The following PRIM2 variants were observed in gnomAD, a reference collection of about 807,000 sequenced individuals.
PRIM2 encodes DNA primase large subunit.
A neutral mutation model predicts 67.3 loss-of-function variants in PRIM2; 39 were observed. The ratio of observed to expected loss-of-function variants is 0.58; its 90% CI spans 0.45 to 0.76. PRIM2 has a LOEUF of 0.76. PRIM2 is among the 30% of genes least tolerant of loss of function. The probability of loss-of-function intolerance (pLI) is 0.00; values close to 1 mark genes in which losing one functional copy is unlikely to be tolerated. For missense variants in PRIM2, 398 were observed against 598.7 expected (o/e 0.66, Z 3.50); for synonymous variants, 143 against 198.7 (o/e 0.72, Z 2.36).
chr6:57,554,243 A>C, intron 10 of PRIM2, among the ~76,000 whole-genome samples: 1 of 147,874 alleles, frequency 6.8e-6, no homozygotes, highest in African/African-American at 2.5e-5. Flanking sequence ...ATGTTGTTTT[A>C]AAAGCTATAT....
chr6:57,608,715 GAAA>G (rs1228501753), intron 12 of PRIM2, among the ~76,000 whole-genome samples: 1 of 76,286 alleles, frequency 1.3e-5, no homozygotes. Context: ...CCTGTCTCAA[GAAA>G]AAAAAAAAAA....
chr6:57,587,154 C>T (rs1776203798), intron 10 of PRIM2: 1 of 152,090 alleles, frequency 6.6e-6, no homozygotes, highest in South Asian at 2.1e-4. Context: ...TATTCAGTGT[C>T]CTAAAGGGAG....
At chr6:57,540,844 C>T (rs1775133869) in intron 10 of PRIM2, among the ~76,000 whole-genome samples, 1 of 152,246 alleles carries the variant, frequency 6.6e-6, no homozygotes, top group Admixed American at 6.5e-5. Context: ...CCTGTTGCTA[C>T]TGTGGTGAGC....
chr6:57,312,327 C>T (rs1767406382), upstream of PRIM2, among the ~76,000 whole-genome samples: 3 of 152,032 alleles, frequency 2.0e-5, 1 homozygote, highest in South Asian at 6.3e-4. Flanking sequence ...ATAGTGCAGC[C>T]CCATCTCTAC....
intron 5 of PRIM2, among the ~76,000 whole-genome samples, chr6:57,367,506 TTAAAACTTAAAATCAAAACTTAATTC>T (rs1272029051): frequency 6.6e-6 from 1 of 152,216 alleles, no homozygotes; most frequent in African/African-American, 2.4e-5. Flanking sequence ...AAACCTAACA[TTAAAACTTAAAATCAAAACTTAATTC>T]TAAAACTTAA....
In PRIM2 at chr6:57,548,225, C is replaced by T. The variant is rs1311550590; in HGVS notation, c.1020+10600C>T. 7.7e-4 allele frequency among the ~76,000 whole-genome samples: 118 copies of T among 152,300 alleles called. 2 individuals are homozygous for T. The East Asian group carries it at 0.019, about 25-fold the overall frequency. On this transcript the variant is annotated intron_variant, in intron 10 of 13. Transcript: ENST00000615550. ...TGGGGCTGCATCTGTTGAGAGCCTC[C>T]TTACTTGTGGGGACTCTCTGAGAAG... is the stretch of plus-strand genomic sequence containing the variant.
the PRIM2 span, among the ~76,000 whole-genome samples, chr6:57,271,940 G>A: frequency 6.6e-6 from 1 of 152,186 alleles, no homozygotes; most frequent in African/African-American, 2.4e-5. Context: ...GAGCAGATTT[G>A]AGTGAGTTTC....
chr6:57,526,685 C>CT (rs1375219269), intron 8 of PRIM2, among the ~76,000 whole-genome samples: 13 of 152,102 alleles, frequency 8.5e-5, no homozygotes, highest in Non-Finnish European at 1.9e-4. Flanking sequence ...GAATCCCTTA[C>CT]TTAAAAAACT....
rs1312347264 is a variant in PRIM2 at position 57,468,062 on chromosome 6, C to T, written c.694-39325C>T. Among the ~76,000 whole-genome samples the T allele has an allele frequency of 1.3e-3, 192 of 152,232 alleles. 5 individuals carry two copies. In the East Asian group the frequency reaches 0.016, roughly 13 times the overall value. On this transcript the variant is annotated intron_variant, in intron 7 of 13. Transcript: ENST00000615550. ...ATGGGATTTTCTAAATATACAATTA[C>T]GTCATCTGCAAACAGAGGCAATTTG...
At chr6:57,588,429 T>C (rs1234950362) in intron 10 of PRIM2, among the ~76,000 whole-genome samples, 12 of 148,460 alleles carry the variant, frequency 8.1e-5, no homozygotes, top group African/African-American at 3.0e-4. Context: ...CTTTAACTTG[T>C]AGCATTATTT....
At chr6:57,337,851 T>C (rs912437804) in intron 5 of PRIM2, among the ~76,000 whole-genome samples, 1 of 152,040 alleles carries the variant, frequency 6.6e-6, no homozygotes, top group Middle Eastern at 3.2e-3. Flanking sequence ...AAGAAATAAC[T>C]AACATCAGAG....
At chr6:57,344,598 G>A (rs1406658206) in intron 5 of PRIM2, among the ~76,000 whole-genome samples, 1 of 152,066 alleles carries the variant, frequency 6.6e-6, no homozygotes, top group Non-Finnish European at 1.5e-5. Context: ...TCTCATAGTG[G>A]TTTTTGGCAT....
chr6:57,388,338 T>C (rs2014396), intron 7 of PRIM2, among the ~76,000 whole-genome samples: 90,057 of 151,864 alleles, frequency 0.59, 26,762 homozygotes, highest in South Asian at 0.63. Context: ...ATCTAGATAG[T>C]GGCTTGAAAT....
At chr6:57,241,990 A>T in the PRIM2 span, among the ~76,000 whole-genome samples, 1 of 152,152 alleles carries the variant, frequency 6.6e-6, no homozygotes, top group East Asian at 1.9e-4. Context: ...TTAATTTTTT[A>T]AACTATGAAT....
intron 5 of PRIM2, among the ~76,000 whole-genome samples, chr6:57,336,456 A>G (rs1768250990): frequency 6.6e-6 from 1 of 152,248 alleles, no homozygotes; most frequent in Non-Finnish European, 1.5e-5. Context: ...GGGCAGCCAG[A>G]GAGAAAGGTT....
the PRIM2 span, among the ~76,000 whole-genome samples, chr6:57,241,222 T>C: frequency 1.1e-5 from 1 of 91,216 alleles, no homozygotes; most frequent in Non-Finnish European, 2.2e-5. Context: ...AGACTCTGTC[T>C]CAAAAAAAAA....
chr6:57,605,114 A>G lies in PRIM2; in HGVS notation c.1148-1261A>G, dbSNP rs1472316996. On this transcript the variant is annotated intron_variant, in intron 11 of 13. Coordinates refer to ENST00000615550, the MANE Select transcript of PRIM2 (RefSeq NM_000947.5). ...GTTGAGTCAGACTTGCATCCCAGAA[A>G]TAAAGCCTATTTGATCATGGTGAAT... Among the ~76,000 whole-genome samples the G allele has an allele frequency of 2.0e-5, 3 of 152,382 alleles. No homozygotes were observed. In the East Asian group the frequency reaches 5.8e-4, roughly 29 times the overall value.
intron 7 of PRIM2, among the ~76,000 whole-genome samples, chr6:57,491,914 C>G (rs1773901296): frequency 6.6e-6 from 1 of 152,164 alleles, no homozygotes. Context: ...GCAGCTCCAC[C>G]CAGTCCTTCC....
the PRIM2 span, among the ~76,000 whole-genome samples, chr6:57,236,043 A>G: frequency 6.6e-6 from 1 of 152,168 alleles, no homozygotes; most frequent in Admixed American, 6.5e-5. Flanking sequence ...AAAAGTAATT[A>G]ATTTGTGTTG....
Sources: allele counts gnomAD v4.1 joint callset (sites outside exome capture counted in the v4.1 genomes callset), GRCh38; gene constraint gnomAD v4.1.1; transcripts MANE v1.5; gene names NCBI Gene and HGNC (gene_info 2026-07-23, HGNC 2026-07-21).